FBN3: variants seen among roughly 807,000 people sequenced by gnomAD.
FBN3 encodes the protein fibrillin 3.
Under a neutral mutation model 330.1 loss-of-function variants are expected in FBN3, and 234 were observed. The observed-to-expected ratio is 0.71, with a 90% CI of 0.64 to 0.79. The LOEUF is 0.79. FBN3 is among the 30% of genes least tolerant of loss of function. The probability of loss-of-function intolerance (pLI) is 0.00; values close to 1 mark genes in which losing one functional copy is unlikely to be tolerated. For synonymous variants in FBN3, 1,458 were observed against 1,517.3 expected (o/e 0.96, Z 0.91); for missense variants, 3,606 against 3,886.9 (o/e 0.93, Z 1.92).
At chr19:8,120,169 T>TC (rs2082810556) in intron 25 of FBN3, among the ~76,000 whole-genome samples, 1 of 148,732 alleles carries the variant, frequency 6.7e-6, no homozygotes, top group African/African-American at 2.5e-5. Context: ...TTCTTTCTTT[T>TC]TTTTTTTTTT....
In FBN3 at chr19:8,096,566, C is replaced by T. The variant is rs3829817; in HGVS notation, c.5417G>A (p.Arg1806Gln). ...KLSPGGACVGRNECREIPNVC... is the reference protein window; with the variant it reads ...KLSPGGACVGQNECREIPNVC... The stretch of plus-strand genomic sequence containing the variant: ...ATTCGGGATCTCCCGACACTCATTC[C>T]GTCCTGGGGGTGCAGAGAGCATGGT... The change falls in exon 44 of 64, where the codon CGG (arginine) becomes CAG (glutamine). Residue 1806 changes from arginine (R) to glutamine (Q), a missense_variant. Physicochemically the swap from Arg to Gln is conservative, Grantham distance 43. Transcript: ENST00000600128. The surrounding 1 kb of genome is among the most constrained non-coding windows in gnomAD (Gnocchi z 4.6). 353,777 of 1,610,228 alleles carry T rather than the reference C, an allele frequency of 0.22. 39,578 individuals carry two copies. Among genetic ancestry groups the T allele is most frequent in the Middle Eastern group, 0.24 (1,459 of 5,984 alleles).
In FBN3 at chr19:8,111,260, A is replaced by G; in HGVS notation, c.4085-77T>C. 2.0e-6 allele frequency: 3 copies of G among 1,488,374 alleles called. No individual in the cohort carries two copies. In the South Asian group the frequency reaches 4.0e-5, roughly 20 times the overall value. 92.2% of individuals were successfully genotyped at this position (1,488,374 alleles called of 1,614,324 possible). On this transcript the variant is annotated intron_variant, in intron 32 of 63. Transcript: ENST00000600128. The stretch of plus-strand genomic sequence containing the variant: ...ACAGGGTGGGCAGGAGGCCCCAGTC[A>G]CTGGAACACTTCGCTGTCAGCCAGA...
intron 13 of FBN3, 25 bp downstream of exon 13, chr19:8,135,936 G>GGGGCCCCCCCCCCCCC: frequency 1.5e-6 from 1 of 668,772 alleles, no homozygotes. Context: ...GGAAGCCCCT[G>GGGGCCCCCCCCCCCCC]CCCACCCGCC....
rs771662417 is a variant in FBN3 at position 8,073,240 on chromosome 19, G to A, written c.7760C>T (p.Thr2587Ile). Residue 2587 changes from threonine to isoleucine, a missense_variant, in exon 62 of 64, where the codon ACT becomes ATT. Physicochemically the swap from Thr to Ile is moderately conservative, Grantham distance 89. Transcript: ENST00000600128. The stretch of plus-strand genomic sequence containing the variant: ...GCAGACGCAGCGGAAGCCACCAAGA[G>A]TGTTGCGACAGGAGGCGCTCCCGCA... ...PTCGSASCRNTLGGFRCVCPS... is the reference protein window; with the variant it reads ...PTCGSASCRNILGGFRCVCPS... 3 of 1,613,972 alleles carry A rather than the reference G, an allele frequency of 1.9e-6. No homozygotes were observed. Among genetic ancestry groups the A allele is most frequent in the African/African-American group, 2.7e-5 (2 of 74,928 alleles).
At chr19:8,143,497 CTTTTTTT>C (rs557671451) in intron 6 of FBN3, among the ~76,000 whole-genome samples, 1 of 126,100 alleles carries the variant, frequency 7.9e-6, no homozygotes, top group African/African-American at 3.1e-5. Context: ...CTTTTCTTTT[CTTTTTTT>C]TTTTTTTTTT....
chr19:8,135,936 G>GGGGGGGGGGGGGGGGGGGGGCCCC, intron 13 of FBN3, 25 bp downstream of exon 13: 7 of 668,776 alleles, frequency 1.0e-5, no homozygotes, highest in Non-Finnish European at 1.7e-5. Flanking sequence ...GGAAGCCCCT[G>GGGGGGGGGGGGGGGGGGGGGCCCC]CCCACCCGCC....
At position 8,115,498 on chromosome 19, in the gene FBN3, G is replaced by A. The variant is rs988228123; in HGVS notation, c.3838+17C>T. On this transcript the variant is annotated intron_variant, in intron 30 of 63. Coordinates refer to ENST00000600128, the MANE Select transcript of FBN3 (RefSeq NM_032447.5). The stretch of plus-strand genomic sequence containing the variant: ...CCGGGGAGTCCCCTCTGCCTGCACC[G>A]CTGACCGCCGGCTCACCAGAGCAGC... The A allele has an allele frequency of 9.3e-6, 15 of 1,612,458 alleles. No individual in the cohort carries two copies. Among genetic ancestry groups the A allele is most frequent in the African/African-American group, 6.7e-5 (5 of 74,878 alleles).
At chr19:8,128,049 CA>C (rs1382789220) in intron 18 of FBN3, among the ~76,000 whole-genome samples, 1 of 152,010 alleles carries the variant, frequency 6.6e-6, no homozygotes, top group African/African-American at 2.4e-5. Context: ...GATGAACAGC[CA>C]GATGGAAGAG....
intron 6 of FBN3, among the ~76,000 whole-genome samples, chr19:8,144,568 C>T (rs1163563257): frequency 6.6e-6 from 1 of 151,682 alleles, no homozygotes; most frequent in African/African-American, 2.4e-5. Flanking sequence ...CTGCCCCAAC[C>T]CTTGTCTTAG....
At chr19:8,106,312 G>T in intron 37 of FBN3, 79 bp from the exon 38 acceptor site, 2 of 1,501,698 alleles carry the variant, frequency 1.3e-6, no homozygotes, top group Non-Finnish European at 1.8e-6. Context: ...CATGCTCTGG[G>T]TTCTCCAGGG....
intron 22 of FBN3, 144 bp from the exon 23 acceptor site, chr19:8,124,152 C>G (rs915584487): frequency 1.5e-5 from 10 of 683,136 alleles, no homozygotes; most frequent in Non-Finnish European, 2.4e-5. Flanking sequence ...GTGACTTCCT[C>G]CAGGCACTGT....
chr19:8,101,586 T>G (rs1274340162), intron 40 of FBN3, among the ~76,000 whole-genome samples: 1 of 152,178 alleles, frequency 6.6e-6, no homozygotes, highest in African/African-American at 2.4e-5. Flanking sequence ...GGTCTGCCCC[T>G]TCCCCAGCCC....
chr19:8,092,707 C>CAAAAAAAAAAAAA lies in FBN3; in HGVS notation c.5906-1130_5906-1118dup, dbSNP rs33973797. ...TCTGGGTGACAGAGTGAGACTCCAC[C>CAAAAAAAAAAAAA]AAAAAAAAAAAAAAAAAAAAAAAAA... On this transcript the variant is annotated intron_variant, in intron 47 of 63. Coordinates refer to ENST00000600128, the MANE Select transcript of FBN3 (RefSeq NM_032447.5). Among the ~76,000 whole-genome samples the CAAAAAAAAAAAAA allele has an allele frequency of 2.9e-5, 2 of 70,156 alleles. 1 individual carries two copies. The highest frequency in any genetic ancestry group is 1.0e-4 in the African/African-American group (2 of 19,820). 46.0% of individuals were successfully genotyped at this position (70,156 alleles called of 152,430 possible).
intron 13 of FBN3, 25 bp downstream of exon 13, chr19:8,135,936 G>GGGGGGGGCGCCCCCCC: frequency 1.5e-6 from 1 of 668,778 alleles, no homozygotes; most frequent in Non-Finnish European, 2.4e-6. Flanking sequence ...GGAAGCCCCT[G>GGGGGGGGCGCCCCCCC]CCCACCCGCC....
At chr19:8,070,573 C>T (rs2081489497) in intron 63 of FBN3, among the ~76,000 whole-genome samples, 1 of 152,178 alleles carries the variant, frequency 6.6e-6, no homozygotes, top group Non-Finnish European at 1.5e-5. Flanking sequence ...CAGAGGGGCC[C>T]AGGATGGCTG....
In FBN3 at chr19:8,096,710, G is replaced by A. The variant is rs3813781; in HGVS notation, c.5414-141C>T. 1 of 1,322,304 alleles carries A rather than the reference G, an allele frequency of 7.6e-7. No individual in the cohort carries two copies. The highest frequency in any genetic ancestry group is 1.0e-6 in the Non-Finnish European group (1 of 964,098). The allele number at this position is 1,322,304 out of a possible 1,614,324, so 81.9% of individuals were successfully genotyped here. ...ACCAGGGGCGTCAGGCTGTCTGCAT[G>A]GACCTGAGCTCTCACCTCTATCACA... is the stretch of plus-strand genomic sequence containing the variant. On this transcript the variant is annotated intron_variant, in intron 43 of 63. Coordinates refer to ENST00000600128, the MANE Select transcript of FBN3 (RefSeq NM_032447.5). The surrounding 1 kb of genome is among the most constrained non-coding windows in gnomAD (Gnocchi z 4.6).
At chr19:8,126,405 G>C (rs1240814574) in intron 20 of FBN3, 58 bp from the exon 21 acceptor site, 4 of 1,588,550 alleles carry the variant, frequency 2.5e-6, no homozygotes, top group Non-Finnish European at 3.4e-6. Flanking sequence ...CAGCCCAAGG[G>C]GGGACCCGCC....
Position 8,121,550 on chromosome 19 carries a change from G to A in FBN3, c.3083-164C>T, listed in dbSNP as rs2144898249. On this transcript the variant is annotated intron_variant, in intron 24 of 63. Transcript: ENST00000600128. The surrounding 1 kb of genome is among the most constrained non-coding windows in gnomAD (Gnocchi z 4.5). ...GGGGAGGCATGATGCAGGCATGATG[G>A]GGTGCCGTATGGGGTCATCGAATCT... Among the ~76,000 whole-genome samples the A allele has an allele frequency of 6.6e-6, 1 of 152,196 alleles. No individual in the cohort carries two copies. Among genetic ancestry groups the A allele is most frequent in the South Asian group, 2.1e-4 (1 of 4,816 alleles).
chr19:8,111,607 G>C (rs756996950), intron 32 of FBN3, 41 bp downstream of exon 32: 3 of 1,423,792 alleles, frequency 2.1e-6, no homozygotes, highest in South Asian at 2.4e-5. Context: ...CCCCGTGGCT[G>C]TCCCTCTAGG....
Sources: gnomAD v4.1 joint callset for allele counts (sites outside exome capture counted in the v4.1 genomes callset) on GRCh38, gnomAD v4.1.1 for gene constraint, Gnocchi (gnomAD v3.1) non-coding constraint, MANE v1.5 for transcripts, NCBI Gene and HGNC (gene_info 2026-07-23, HGNC 2026-07-21) for gene names.